DIS3L: variants seen among roughly 807,000 people sequenced by gnomAD.
The protein encoded by DIS3L is DIS3 like exosome 3'-5' exoribonuclease, also known as DIS3-like exonuclease 1.
A neutral mutation model predicts 120.3 loss-of-function variants in DIS3L; 100 were observed. That is an observed-to-expected ratio of 0.83 (90% CI 0.71 to 0.98). The LOEUF (loss-of-function observed/expected upper bound fraction) is 0.98. Ranked by LOEUF, DIS3L falls within the 50% of genes least tolerant of loss-of-function variation. The pLI is 0.00. For missense variants in DIS3L, 1,196 were observed against 1,314.2 expected, an observed-to-expected ratio of 0.91 and a Z score of 1.39; for synonymous variants, 426 against 470.6, an observed-to-expected ratio of 0.91 and a Z score of 1.23.
At position 66,333,014 on chromosome 15, in the gene DIS3L, C is replaced by A; in HGVS notation, c.2867C>A (p.Ser956Tyr). Residue 956 changes from serine (S) to tyrosine (Y), a missense_variant, in exon 17 of 17, where the codon TCC becomes TAC. Coordinates refer to ENST00000319212, the MANE Select transcript of DIS3L (RefSeq NM_001143688.3). ...HLFDHVTVRI[S>Y]IQASRCHSDT... ...TCTTCTCTATGCTAGGTAAGAATAT[C>A]CATACAGGCCTCACGTTGCCATTCT... 3.1e-6 allele frequency: 5 copies of A among 1,608,110 alleles called. No individual in the cohort carries two copies. The highest frequency in any genetic ancestry group is 3.4e-6 in the Non-Finnish European group (4 of 1,177,700).
chr15:66,301,542 A>C (rs2092648208), intron 2 of DIS3L, among the ~76,000 whole-genome samples: 1 of 152,066 alleles, frequency 6.6e-6, no homozygotes, highest in Non-Finnish European at 1.5e-5. Flanking sequence ...CGGTCTCCCA[A>C]AGTGCTAGGA....
At chr15:66,332,393 G>A (rs1035489365) in intron 15 of DIS3L, among the ~76,000 whole-genome samples, 4 of 150,208 alleles carry the variant, frequency 2.7e-5, no homozygotes, top group Non-Finnish European at 5.9e-5. Flanking sequence ...GGAAGCAGAG[G>A]TTGCAGTGAG....
In DIS3L at chr15:66,320,581, T is replaced by A; in HGVS notation, c.1175T>A (p.Val392Glu). 1 of 1,613,526 alleles carries A rather than the reference T, an allele frequency of 6.2e-7. No homozygotes were observed. The highest frequency in any genetic ancestry group is 8.5e-7 in the Non-Finnish European group (1 of 1,179,806). Residue 392 changes from valine (V) to glutamate (E), a missense_variant, in exon 9 of 17, where the codon GTG becomes GAG. Transcript: ENST00000319212. ...TTTCCTTTTGTGCAGGACTTCAGGGTGGTCGTGCGCATCGATTCCTGGGAG... is the reference window on the plus strand; with the variant it reads ...TTTCCTTTTGTGCAGGACTTCAGGGAGGTCGTGCGCATCGATTCCTGGGAG... Reference protein sequence around the residue: ...QQAETLQDFRVVVRIDSWEST... With the variant: ...QQAETLQDFREVVRIDSWEST...
chr15:66,323,342 T>C, intron 10 of DIS3L, 151 bp from the exon 11 acceptor site: 1 of 708,488 alleles, frequency 1.4e-6, no homozygotes, highest in Non-Finnish European at 2.4e-6. Flanking sequence ...GGAATAGTTT[T>C]ATTACCCAGT....
intron 8 of DIS3L, 114 bp downstream of exon 8, chr15:66,318,732 A>G: frequency 8.9e-7 from 1 of 1,121,532 alleles, no homozygotes; most frequent in Non-Finnish European, 1.2e-6. Flanking sequence ...AAAGAAATAA[A>G]TTATTGATGG....
At chr15:66,298,891 A>G (rs2092618003) in intron 2 of DIS3L, among the ~76,000 whole-genome samples, 1 of 152,216 alleles carries the variant, frequency 6.6e-6, no homozygotes, top group African/African-American at 2.4e-5. Flanking sequence ...ACCAAAGCAG[A>G]TGGAGTCCTG....
chr15:66,327,904 C>G (rs2092955628), intron 12 of DIS3L, among the ~76,000 whole-genome samples: 1 of 152,052 alleles, frequency 6.6e-6, no homozygotes, highest in Admixed American at 6.6e-5. Flanking sequence ...GCTAAAAATA[C>G]AACGAGCCAG....
intron 2 of DIS3L, among the ~76,000 whole-genome samples, chr15:66,304,900 C>CA (rs796324536): frequency 0.011 from 611 of 55,748 alleles, 6 homozygotes; most frequent in East Asian, 0.012. Context: ...GACTCCGTCT[C>CA]AAAAAAAAAA....
chr15:66,305,711 T>C (rs2092696851), intron 2 of DIS3L, among the ~76,000 whole-genome samples: 2 of 151,882 alleles, frequency 1.3e-5, no homozygotes, highest in Admixed American at 1.3e-4. Flanking sequence ...TTTTAATTTG[T>C]GTAAAGATGG....
Position 66,333,081 on chromosome 15 carries a change from G to C in DIS3L, c.2934G>C (p.Lys978Asn). 1 of 1,613,236 alleles carries C rather than the reference G, an allele frequency of 6.2e-7. No individual in the cohort carries two copies. Among genetic ancestry groups the C allele is most frequent in the Non-Finnish European group, 8.5e-7 (1 of 1,180,020 alleles). Residue 978 changes from lysine to asparagine, a missense_variant, in exon 17 of 17, where the codon AAG becomes AAC. Transcript: ENST00000319212. ...AAATAATTAGTAACAAACCATACAAGATACCAAATACAGAACTTATTCATC... is the reference window on the plus strand; with the variant it reads ...AAATAATTAGTAACAAACCATACAACATACCAAATACAGAACTTATTCATC... ...RLEIISNKPYKIPNTELIHQS... is the reference protein window; with the variant it reads ...RLEIISNKPYNIPNTELIHQS...
Position 66,330,840 on chromosome 15 carries a change from C to G in DIS3L, c.2536-1035C>G, listed in dbSNP as rs542760923. On this transcript the variant is annotated intron_variant, in intron 14 of 16. Transcript: ENST00000319212. ...AATTCCTAGAAATGGAATTGCTGAG[C>G]CAAAAGGTGTGCATGCACAAATGAA... Among the ~76,000 whole-genome samples, 5 of 152,262 alleles carry G rather than the reference C, an allele frequency of 3.3e-5. No homozygotes were observed. The South Asian group carries it at 1.0e-3, about 32-fold the overall frequency.
intron 9 of DIS3L, among the ~76,000 whole-genome samples, chr15:66,321,556 G>A (rs2092883602): frequency 6.6e-6 from 1 of 152,108 alleles, no homozygotes; most frequent in African/African-American, 2.4e-5. Context: ...CAGGTCAGGA[G>A]TTTGAGACCA....
rs981651670 is a variant in DIS3L, at chr15:66,325,928, T to C, written c.1765T>C (p.Phe589Leu). 3 of 1,614,150 alleles carry C rather than the reference T, an allele frequency of 1.9e-6. No individual in the cohort carries two copies. In the East Asian group the frequency reaches 6.7e-5, roughly 36 times the overall value. ...RTIIRSAYKLFYEAAQELLDG... is the reference protein window; with the variant it reads ...RTIIRSAYKLLYEAAQELLDG... ...CATTATTCGATCAGCATACAAACTGTTCTATGAAGCAGCCCAAGAACTACT... is the reference window on the plus strand; with the variant it reads ...CATTATTCGATCAGCATACAAACTGCTCTATGAAGCAGCCCAAGAACTACT... The change falls in exon 12 of 17, where the codon TTC becomes CTC. Residue 589 changes from phenylalanine to leucine, a missense_variant. Transcript: ENST00000319212.
At chr15:66,298,022 A>T (rs562466397) in intron 2 of DIS3L, among the ~76,000 whole-genome samples, 20 of 152,164 alleles carry the variant, frequency 1.3e-4, no homozygotes, top group African/African-American at 3.6e-4. Flanking sequence ...ACTACTAAAG[A>T]TACAAAATGC....
rs745467292 is a variant in DIS3L at position 66,326,026 on chromosome 15, G to C, written c.1863G>C (p.Lys621Asn). 4 of 1,614,148 alleles carry C rather than the reference G, an allele frequency of 2.5e-6. No homozygotes were observed. The highest frequency in any genetic ancestry group is 2.5e-6 in the Non-Finnish European group (3 of 1,180,010). Residue 621 changes from lysine to asparagine, a missense_variant, in exon 12 of 17, where the codon AAG (lysine) becomes AAC (asparagine). By Grantham distance (94) the Lys-to-Asn change is moderately conservative (BLOSUM62 0). Transcript: ENST00000319212. Reference sequence around the variant, plus strand: ...TGGATGAGAAGAGCAGACAAGCCAAGCTGGAGGAGTTGGTGTGGGCAATTG... The same window carrying C: ...TGGATGAGAAGAGCAGACAAGCCAACCTGGAGGAGTTGGTGTGGGCAATTG... ...KDLDEKSRQAKLEELVWAIGK... is the reference protein window; with the variant it reads ...KDLDEKSRQANLEELVWAIGK...
intron 2 of DIS3L, among the ~76,000 whole-genome samples, chr15:66,304,900 CAAAAA>C (rs796324536): frequency 1.8e-5 from 1 of 56,312 alleles, no homozygotes; most frequent in African/African-American, 6.2e-5. Flanking sequence ...GACTCCGTCT[CAAAAA>C]AAAAAAAAAA....
chr15:66,332,407 A>G (rs1362062199), intron 15 of DIS3L, among the ~76,000 whole-genome samples: 1 of 150,996 alleles, frequency 6.6e-6, no homozygotes, highest in Non-Finnish European at 1.5e-5. Flanking sequence ...CAGTGAGCCA[A>G]GATCGTGCCA....
At chr15:66,295,275 T>G in intron 2 of DIS3L, 134 bp downstream of exon 2, 2 of 818,614 alleles carry the variant, frequency 2.4e-6, no homozygotes, top group Non-Finnish European at 3.8e-6. Flanking sequence ...TCGTATTCTC[T>G]TTGATAGTGA....
At chr15:66,309,893 G>T (rs1305813513) in intron 4 of DIS3L, among the ~76,000 whole-genome samples, 1 of 152,200 alleles carries the variant, frequency 6.6e-6, no homozygotes, top group African/African-American at 2.4e-5. Flanking sequence ...AATGCTGTCA[G>T]ATCTGCTTAG....
Sources: allele counts gnomAD v4.1 joint callset (sites outside exome capture counted in the v4.1 genomes callset), GRCh38; gene constraint gnomAD v4.1.1; transcripts MANE v1.5; gene names NCBI Gene and HGNC (gene_info 2026-07-23, HGNC 2026-07-21).